Variants in BRD4 observed in about 807,000 individuals in gnomAD.
The protein encoded by BRD4 is bromodomain-containing protein 4.
In BRD4, 16 loss-of-function variants were observed where a neutral mutation model predicts 142.1. The observed-to-expected ratio is 0.11, with a 90% CI of 0.08 to 0.17. BRD4 has a LOEUF of 0.17. Ranked by LOEUF, BRD4 falls within the 10% of genes least tolerant of loss-of-function variation. The probability of loss-of-function intolerance (pLI) is 1.00; values close to 1 mark genes in which losing one functional copy is unlikely to be tolerated. For missense variants in BRD4, 1,424 were observed against 1,810.9 expected (o/e 0.79, Z 3.88); for synonymous variants, 833 against 707.5 (o/e 1.18, Z -2.82).
chr19:15,250,186 C>T (rs888000006), intron 11 of BRD4, among the ~76,000 whole-genome samples: 1 of 152,226 alleles, frequency 6.6e-6, no homozygotes, highest in Non-Finnish European at 1.5e-5. Flanking sequence ...CGCCCTCACC[C>T]GCCCATGAAG....
chr19:15,302,828 A>G (rs1017038808), intron 1 of BRD4, among the ~76,000 whole-genome samples: 1 of 151,404 alleles, frequency 6.6e-6, no homozygotes, highest in Non-Finnish European at 1.5e-5. Flanking sequence ...AAACAGTGAA[A>G]CCCCGTCTCT....
chr19:15,251,375 T>C (rs1372892077), intron 11 of BRD4, among the ~76,000 whole-genome samples: 1 of 126,390 alleles, frequency 7.9e-6, no homozygotes, highest in South Asian at 2.3e-4. Flanking sequence ...AACCCCGTAG[T>C]ATAAGTGACA....
Position 15,238,668 on chromosome 19 carries a change from G to T in BRD4, c.4020+75C>A. On this transcript the variant is annotated intron_variant, in intron 19 of 19. Transcript: ENST00000679869. This position sits in a 1 kb window ranked among gnomAD's most constrained non-coding sequence, Gnocchi z 7.2. ...TCCCCCGCTGCCCCTCCCTGTCCAG[G>T]CTCCAGTCCCCCTTTCCCAGCTCCC... The T allele has an allele frequency of 6.9e-7, 1 of 1,457,486 alleles. No individual in the cohort carries two copies. The allele number at this position is 1,457,486 out of a possible 1,614,324, so 90.3% of individuals were successfully genotyped here.
chr19:15,266,066 A>G (rs2047531295), intron 4 of BRD4, among the ~76,000 whole-genome samples: 1 of 152,230 alleles, frequency 6.6e-6, no homozygotes, highest in South Asian at 2.1e-4. Flanking sequence ...GCCCTTGCCA[A>G]GGTTTCTGGA....
At chr19:15,244,796 G>C in intron 11 of BRD4, 34 bp from the exon 12 acceptor site, 1 of 1,613,934 alleles carries the variant, frequency 6.2e-7, no homozygotes, top group Non-Finnish European at 8.5e-7. Context: ...TGAGGCTCTG[G>C]GGGAGAAGGT....
intron 1 of BRD4, among the ~76,000 whole-genome samples, chr19:15,303,503 T>G (rs537258993): frequency 6.6e-6 from 1 of 152,296 alleles, no homozygotes; most frequent in East Asian, 1.9e-4. Context: ...AGGAGAAAAG[T>G]AGCCTTAAAC....
intron 1 of BRD4, among the ~76,000 whole-genome samples, chr19:15,330,301 C>T (rs932920971): frequency 6.6e-6 from 1 of 152,162 alleles, no homozygotes; most frequent in African/African-American, 2.4e-5. Context: ...CATTTTGTTT[C>T]AGATTAGGCT....
At chr19:15,325,997 C>CAAA (rs35801340) in intron 1 of BRD4, among the ~76,000 whole-genome samples, 866 of 50,566 alleles carry the variant, frequency 0.017, 30 homozygotes, top group Non-Finnish European at 0.024. Context: ...GACTCCGTCT[C>CAAA]AAAAAAAAAA....
At chr19:15,260,512 T>C (rs1052762231) in intron 7 of BRD4, among the ~76,000 whole-genome samples, 3 of 152,178 alleles carry the variant, frequency 2.0e-5, no homozygotes, top group Non-Finnish European at 4.4e-5. Context: ...ATCAACTCTG[T>C]TGCTCAAACA....
intron 2 of BRD4, among the ~76,000 whole-genome samples, chr19:15,271,529 C>T (rs2145620248): frequency 6.6e-6 from 1 of 152,334 alleles, no homozygotes; most frequent in South Asian, 2.1e-4. Flanking sequence ...CCTCACAACG[C>T]TCTGGGTTCC....
intron 11 of BRD4, among the ~76,000 whole-genome samples, chr19:15,246,095 G>T (rs2047283422): frequency 6.6e-6 from 1 of 152,196 alleles, no homozygotes; most frequent in South Asian, 2.1e-4. Context: ...AATGACCAGG[G>T]GCTGCAACTG....
At position 15,243,446 on chromosome 19, in the gene BRD4, T is replaced by C; in HGVS notation, c.2623A>G (p.Asn875Asp). 1 of 1,575,248 alleles carries C rather than the reference T, an allele frequency of 6.3e-7. No homozygotes were observed. The highest frequency in any genetic ancestry group is 8.6e-7 in the Non-Finnish European group (1 of 1,163,260). ...ALPQQPSRPS[N>D]RAAALPPKPA... is the part of the protein sequence containing the mutation. ...TTGGGAGGCAGGGCAGCGGCTCGGT[T>C]GCTGGGCCGTGATGGCTGCTGGGGT... Residue 875 changes from asparagine (N) to aspartate (D), a missense_variant, in exon 14 of 20, where the codon AAC (asparagine) becomes GAC (aspartate). Around this residue, in one of 16 missense-constraint regions of BRD4, gnomAD observed 598 missense variants for 647.8 expected, o/e 0.92. Transcript: ENST00000679869.
intron 1 of BRD4, among the ~76,000 whole-genome samples, chr19:15,290,664 G>C (rs1027791557): frequency 6.6e-6 from 1 of 152,152 alleles, no homozygotes; most frequent in African/African-American, 2.4e-5. Context: ...AATCTGGCCA[G>C]GCTGGGACTC....
chr19:15,303,202 C>G (rs1480620402), intron 1 of BRD4, among the ~76,000 whole-genome samples: 1 of 152,016 alleles, frequency 6.6e-6, no homozygotes, highest in Non-Finnish European at 1.5e-5. Context: ...ATTTCCAGCT[C>G]AAAGTAGGGG....
At chr19:15,322,019 TACATAC>T (rs1274497564) in intron 1 of BRD4, among the ~76,000 whole-genome samples, 4 of 152,038 alleles carry the variant, frequency 2.6e-5, no homozygotes, top group African/African-American at 9.7e-5. Flanking sequence ...AAATGGCACA[TACATAC>T]ACACACACAC....
At chr19:15,256,449 C>T (rs2047409811) in intron 8 of BRD4, among the ~76,000 whole-genome samples, 186 bp from the exon 9 acceptor site, 1 of 152,246 alleles carries the variant, frequency 6.6e-6, no homozygotes. Flanking sequence ...AGATTCCTAA[C>T]AAGACTATCT....
chr19:15,279,534 T>C (rs1401079709), intron 1 of BRD4, among the ~76,000 whole-genome samples: 1 of 152,154 alleles, frequency 6.6e-6, no homozygotes, highest in African/African-American at 2.4e-5. Flanking sequence ...CAGACAGGCT[T>C]TGTTCTGAAC....
Position 15,239,166 on chromosome 19 carries a change from C to T in BRD4, c.3675G>A (p.Glu1225=). ...STAKSSSDSF[E]QFRRAAREKE... ...TCTCCCGAGCGGCGCGGCGGAACTG[C>T]TCGAAGCTGTCGCTGGATGACTTGG... Residue 1225 remains glutamate, a synonymous_variant, in exon 18 of 20, where the codon GAG becomes GAA. Transcript: ENST00000679869. The surrounding 1 kb of genome is among the most constrained non-coding windows in gnomAD (Gnocchi z 7.4). 6.2e-7 allele frequency: 1 copy of T among 1,612,976 alleles called. No homozygotes were observed. The highest frequency in any genetic ancestry group is 8.5e-7 in the Non-Finnish European group (1 of 1,179,992).
At chr19:15,273,297 A>G (rs1370359846) in intron 1 of BRD4, among the ~76,000 whole-genome samples, 164 bp from the exon 2 acceptor site, 1 of 152,148 alleles carries the variant, frequency 6.6e-6, no homozygotes, top group Admixed American at 6.5e-5. Context: ...AAGGGTTCCA[A>G]TGTCTCCTCT....
Sources: gnomAD v4.1 joint callset for allele counts (sites outside exome capture counted in the v4.1 genomes callset) on GRCh38, gnomAD v4.1.1 for gene constraint, gnomAD v4.1.1 regional missense constraint, Gnocchi (gnomAD v3.1) non-coding constraint, MANE v1.5 for transcripts, NCBI Gene and HGNC (gene_info 2026-07-23, HGNC 2026-07-21) for gene names.